The following PFKFB3 variants were observed in gnomAD, a reference collection of about 807,000 sequenced individuals.
PFKFB3 encodes the protein 6-phosphofructo-2-kinase/fructose-2,6-biphosphatase 3, also known as 6-phosphofructo-2-kinase/fructose-2,6-bisphosphatase 3.
In PFKFB3, 33 loss-of-function variants were observed where a neutral mutation model predicts 68.0. The ratio of observed to expected loss-of-function variants is 0.49; its 90% CI spans 0.37 to 0.65. The LOEUF is 0.65. PFKFB3 is among the 30% of genes least tolerant of loss of function. The pLI, the probability that PFKFB3 is intolerant of heterozygous loss-of-function variation, is 0.00. For synonymous variants in PFKFB3, 315 were observed against 288.2 expected (o/e 1.09, Z -0.94); for missense variants, 586 against 712.2 (o/e 0.82, Z 2.02).
At chr10:6,295,313 C>T in the PFKFB3 span, among the ~76,000 whole-genome samples, 1 of 152,074 alleles carries the variant, frequency 6.6e-6, no homozygotes, top group African/African-American at 2.4e-5. Flanking sequence ...CCTCTGCCTC[C>T]AGGGTTCAAG....
chr10:6,238,477 C>CAAAAAAAA (rs71390201), downstream of PFKFB3, among the ~76,000 whole-genome samples: 12 of 89,538 alleles, frequency 1.3e-4, no homozygotes, highest in Non-Finnish European at 2.0e-4. Context: ...GGTGCCATCT[C>CAAAAAAAA]AAAAAAAAAA....
Position 6,223,832 on chromosome 10 carries a change from G to A in PFKFB3, c.1214-126G>A, listed in dbSNP as rs538316743. 395 of 794,096 alleles carry A rather than the reference G, an allele frequency of 5.0e-4. 1 individual carries two copies. The highest frequency in any genetic ancestry group is 3.7e-3 in the Middle Eastern group (16 of 4,276). The allele number at this position is 794,096 out of a possible 1,614,324, so 49.2% of individuals were successfully genotyped here. On this transcript the variant is annotated intron_variant, in intron 11 of 14. Transcript: ENST00000379775. ...GGGTTTTGCCATGTTGGTCAGGCTGGTCTTGAACTCCTGACCTCAGGTGAT... is the reference window on the plus strand; with the variant it reads ...GGGTTTTGCCATGTTGGTCAGGCTGATCTTGAACTCCTGACCTCAGGTGAT...
At chr10:6,268,665 TA>T in the PFKFB3 span, among the ~76,000 whole-genome samples, 1 of 150,886 alleles carries the variant, frequency 6.6e-6, no homozygotes, top group African/African-American at 2.4e-5. Flanking sequence ...ATATATTTAA[TA>T]AAAAAGACTA....
chr10:6,201,548 G>C (rs1294257371), upstream of PFKFB3, among the ~76,000 whole-genome samples: 1 of 151,202 alleles, frequency 6.6e-6, no homozygotes, highest in Non-Finnish European at 1.5e-5. This position sits in a 1 kb window ranked among gnomAD's most constrained non-coding sequence, Gnocchi z 4.1. Context: ...GCGGCGGGTC[G>C]GGAGGAGTGG....
downstream of PFKFB3, among the ~76,000 whole-genome samples, chr10:6,257,180 T>C (rs999091167): frequency 4.9e-4 from 75 of 152,210 alleles, 2 homozygotes; most frequent in Middle Eastern, 3.2e-3. Context: ...CAGGCACTGC[T>C]GTGTGAGACC....
chr10:6,290,646 C>T, the PFKFB3 span, among the ~76,000 whole-genome samples: 2 of 151,840 alleles, frequency 1.3e-5, no homozygotes, highest in East Asian at 3.9e-4. Flanking sequence ...TTACAGGCAC[C>T]CACCACCATG....
chr10:6,235,944 T>A (rs1307114198), downstream of PFKFB3, among the ~76,000 whole-genome samples: 3 of 151,938 alleles, frequency 2.0e-5, no homozygotes, highest in Non-Finnish European at 4.4e-5. Context: ...TTTTTGTATT[T>A]TTATTAGAGA....
In PFKFB3 at chr10:6,232,964, C is replaced by T. The variant is rs905132985; in HGVS notation, c.*22C>T. On this transcript the variant is annotated 3_prime_UTR_variant, in exon 15 of 15. Transcript: ENST00000379775. ...CTGAGGCAGACGTGTCGGTTCCATT[C>T]CATTTCCATTTCTGCAGCTTAGCTT... 6 of 1,592,574 alleles carry T rather than the reference C, an allele frequency of 3.8e-6. No homozygotes were observed. In the African/African-American group the frequency reaches 4.0e-5, roughly 11 times the overall value.
the PFKFB3 span, among the ~76,000 whole-genome samples, chr10:6,259,695 C>T: frequency 6.6e-6 from 1 of 152,160 alleles, no homozygotes; most frequent in African/African-American, 2.4e-5. Flanking sequence ...TCTCATGTAC[C>T]AAGCATTGTG....
intron 1 of PFKFB3, among the ~76,000 whole-genome samples, chr10:6,177,403 T>C (rs1353854491): frequency 3.6e-3 from 517 of 143,256 alleles, no homozygotes; most frequent in Middle Eastern, 7.3e-3. Context: ...TTTCTTTCTT[T>C]CTTTCTTCTT....
intron 10 of PFKFB3, among the ~76,000 whole-genome samples, chr10:6,222,089 CG>C (rs1425777184): frequency 6.6e-6 from 1 of 152,078 alleles, no homozygotes; most frequent in African/African-American, 2.4e-5. Flanking sequence ...GCACGGTGCC[CG>C]GGTGGCTGTG....
At chr10:6,217,315 C>G (rs1588504298) in intron 6 of PFKFB3, 124 bp downstream of exon 6, 1 of 879,934 alleles carries the variant, frequency 1.1e-6, no homozygotes, top group Non-Finnish European at 1.9e-6. Context: ...TGAGCAGCCC[C>G]CAGCTGGCTG....
In PFKFB3 at chr10:6,229,778, T is replaced by C. The variant is rs1043048184; in HGVS notation, c.1516-3117T>C. ...ACCTTTTTGGTACCAGGGACCCGTTTCGTGGAAGAGAATTTTCCCCACCAT... is the reference window on the plus strand; with the variant it reads ...ACCTTTTTGGTACCAGGGACCCGTTCCGTGGAAGAGAATTTTCCCCACCAT... On this transcript the variant is annotated intron_variant, in intron 14 of 14. Coordinates refer to ENST00000379775, the MANE Select transcript of PFKFB3 (RefSeq NM_004566.4). This position sits in a 1 kb window ranked among gnomAD's most constrained non-coding sequence, Gnocchi z 4.3. Among the ~76,000 whole-genome samples, 1 of 152,224 alleles carries C rather than the reference T, an allele frequency of 6.6e-6. No homozygotes were observed. The highest frequency in any genetic ancestry group is 2.4e-5 in the African/African-American group (1 of 41,456).
At chr10:6,160,446 G>A (rs989573906) in intron 1 of PFKFB3, among the ~76,000 whole-genome samples, 1 of 152,112 alleles carries the variant, frequency 6.6e-6, no homozygotes, top group Non-Finnish European at 1.5e-5. Flanking sequence ...TCCTGGGTGC[G>A]GTGGCTCACG....
intron 14 of PFKFB3, chr10:6,254,097 C>CTTTTTT (rs34789693): frequency 3.3e-6 from 1 of 301,164 alleles, no homozygotes; most frequent in Non-Finnish European, 5.8e-6. Context: ...TTTCAGATGG[C>CTTTTTT]TTTTTTTTTT....
chr10:6,306,180 C>T, the PFKFB3 span, among the ~76,000 whole-genome samples: 5 of 152,108 alleles, frequency 3.3e-5, no homozygotes, highest in Admixed American at 1.3e-4. Flanking sequence ...ACTCCAGGTG[C>T]GCATCACTGC....
chr10:6,255,542 C>T (rs571165481), downstream of PFKFB3, among the ~76,000 whole-genome samples: 19 of 152,308 alleles, frequency 1.2e-4, no homozygotes, highest in Admixed American at 3.9e-4. Context: ...GGTACTTCAA[C>T]GGGTGTGTCT....
chr10:6,295,986 A>G, the PFKFB3 span, among the ~76,000 whole-genome samples: 1 of 152,200 alleles, frequency 6.6e-6, no homozygotes, highest in Non-Finnish European at 1.5e-5. Flanking sequence ...TTCACACACT[A>G]CAACAGATAT....
At chr10:6,320,314 G>T in the PFKFB3 span, among the ~76,000 whole-genome samples, 3 of 152,178 alleles carry the variant, frequency 2.0e-5, no homozygotes, top group Non-Finnish European at 4.4e-5. Flanking sequence ...GTCATTCCTT[G>T]GATGCTTTTG....
Sources: allele counts gnomAD v4.1 joint callset (sites outside exome capture counted in the v4.1 genomes callset), GRCh38; gene constraint gnomAD v4.1.1; non-coding constraint Gnocchi (gnomAD v3.1); transcripts MANE v1.5; gene names NCBI Gene and HGNC (gene_info 2026-07-23, HGNC 2026-07-21).